Variants in GRID2 observed in about 807,000 individuals in gnomAD.
GRID2 encodes the protein glutamate ionotropic receptor delta type subunit 2.
A neutral mutation model predicts 114.8 loss-of-function variants in GRID2; 33 were observed. The observed-to-expected ratio is 0.29, with a 90% CI of 0.22 to 0.38. GRID2 has a LOEUF of 0.38. Among genes scored for constraint, GRID2 ranks in the 10% least tolerant of loss-of-function variants. The pLI is 1.00. For synonymous variants in GRID2, 505 were observed against 449.9 expected, an observed-to-expected ratio of 1.12 and a Z score of -1.55; for missense variants, 1,184 against 1,257.7, an observed-to-expected ratio of 0.94 and a Z score of 0.89.
chr4:93,758,775 T>C (rs745501613), intron 14 of GRID2, among the ~76,000 whole-genome samples: 70 of 152,322 alleles, frequency 4.6e-4, no homozygotes, highest in Non-Finnish European at 8.4e-4. Flanking sequence ...TGACACCTTT[T>C]CATAAACATG....
chr4:93,255,724 T>C, intron 8 of GRID2, among the ~76,000 whole-genome samples: 1 of 152,098 alleles, frequency 6.6e-6, no homozygotes, highest in East Asian at 1.9e-4. Flanking sequence ...ACTTCTGCCA[T>C]GTTGTGACAC....
At chr4:93,597,076 A>AT (rs1483729570) in intron 13 of GRID2, among the ~76,000 whole-genome samples, 1 of 152,206 alleles carries the variant, frequency 6.6e-6, no homozygotes, top group East Asian at 1.9e-4. Flanking sequence ...AAATAATCAC[A>AT]TTTTTAGAGC....
At chr4:93,140,819 T>C (rs1735705591) in intron 4 of GRID2, among the ~76,000 whole-genome samples, 2 of 152,228 alleles carry the variant, frequency 1.3e-5, no homozygotes, top group Non-Finnish European at 2.9e-5. Flanking sequence ...GTTCCCAGAA[T>C]ACATAAAACT....
At chr4:92,906,213 CA>C (rs1301762400) in intron 2 of GRID2, among the ~76,000 whole-genome samples, 2 of 149,036 alleles carry the variant, frequency 1.3e-5, no homozygotes, top group Non-Finnish European at 3.0e-5. Flanking sequence ...GATTATTTGA[CA>C]ATTTGGATTT....
intron 2 of GRID2, among the ~76,000 whole-genome samples, chr4:92,604,436 G>A (rs985398729): frequency 6.6e-6 from 1 of 152,068 alleles, no homozygotes; most frequent in Non-Finnish European, 1.5e-5. Context: ...ACTAACACAG[G>A]AACAGAGAAC....
intron 1 of GRID2, among the ~76,000 whole-genome samples, chr4:92,368,027 G>A (rs1728953602): frequency 6.6e-6 from 1 of 152,116 alleles, no homozygotes; most frequent in Non-Finnish European, 1.5e-5. Flanking sequence ...ATAGTAGCCT[G>A]GAATCAGCAA....
At chr4:92,405,599 ATTTT>A (rs1266117360) in intron 1 of GRID2, among the ~76,000 whole-genome samples, 1 of 151,972 alleles carries the variant, frequency 6.6e-6, no homozygotes, top group Non-Finnish European at 1.5e-5. Flanking sequence ...ACAATAATTC[ATTTT>A]TATATATGTA....
intron 1 of GRID2, among the ~76,000 whole-genome samples, chr4:92,362,468 C>T (rs1246345843): frequency 6.6e-6 from 1 of 151,914 alleles, no homozygotes; most frequent in African/African-American, 2.4e-5. Flanking sequence ...TGCAGAATGT[C>T]TGTAGCATGT....
rs114890263 is a variant in GRID2 at position 92,945,971 on chromosome 4, C to G, written c.245-139024C>G. On this transcript the variant is annotated intron_variant, in intron 2 of 15. Transcript: ENST00000282020. ...TAGCGCATGCCTTTTTACATGCCTT[C>G]CAGAAATATGTTGGAATCTCTAGTC... Among the ~76,000 whole-genome samples the G allele has an allele frequency of 7.9e-3, 1,209 of 152,148 alleles. 25 individuals carry two copies. Among genetic ancestry groups the G allele is most frequent in the African/African-American group, 0.028 (1,161 of 41,540 alleles).
intron 10 of GRID2, among the ~76,000 whole-genome samples, chr4:93,435,656 A>G (rs116378314): frequency 0.012 from 1,761 of 152,318 alleles, 30 homozygotes; most frequent in African/African-American, 0.041. Flanking sequence ...TGAAATAGAT[A>G]GTTAATATGC....
At position 93,600,247 on chromosome 4, in the gene GRID2, A is replaced by G. The variant is rs565988207; in HGVS notation, c.2194-26022A>G. Among the ~76,000 whole-genome samples the G allele has an allele frequency of 1.4e-4, 21 of 152,276 alleles. No individual in the cohort carries two copies. In the East Asian group the frequency reaches 2.9e-3, roughly 21 times the overall value. Reference sequence around the variant, plus strand: ...ATTTTACAAAAACAAAAAAAATTCTACTTATCAAATATTCTATTAAGAAAA... The same window carrying G: ...ATTTTACAAAAACAAAAAAAATTCTGCTTATCAAATATTCTATTAAGAAAA... On this transcript the variant is annotated intron_variant, in intron 13 of 15. Transcript: ENST00000282020.
At chr4:93,575,222 G>A (rs892394317) in intron 13 of GRID2, among the ~76,000 whole-genome samples, 1 of 152,076 alleles carries the variant, frequency 6.6e-6, no homozygotes, top group Non-Finnish European at 1.5e-5. Flanking sequence ...TTCATTTGGG[G>A]CCACCAATGT....
chr4:93,489,091 G>A lies in GRID2; in HGVS notation c.1859-1548G>A, dbSNP rs185939575. Among the ~76,000 whole-genome samples the A allele has an allele frequency of 9.2e-5, 14 of 151,868 alleles. No individual in the cohort carries two copies. In the South Asian group the frequency reaches 1.2e-3, roughly 14 times the overall value. On this transcript the variant is annotated intron_variant, in intron 11 of 15. Coordinates refer to ENST00000282020, the MANE Select transcript of GRID2 (RefSeq NM_001510.4). ...TCCTATATCAAAAATTATAAAGGAC[G>A]GAAATAAACAAAAATGTTTAAAGCC...
intron 2 of GRID2, among the ~76,000 whole-genome samples, chr4:92,864,961 G>T (rs765772660): frequency 6.6e-6 from 1 of 151,992 alleles, no homozygotes; most frequent in Non-Finnish European, 1.5e-5. Context: ...AGATTTTTTT[G>T]TTCTTGCTGT....
intron 10 of GRID2, among the ~76,000 whole-genome samples, chr4:93,425,168 C>T (rs953766546): frequency 6.6e-6 from 1 of 152,050 alleles, no homozygotes; most frequent in African/African-American, 2.4e-5. Context: ...ATTGCATTTT[C>T]CTGGTTCCTC....
chr4:92,801,030 A>T (rs1197271217), intron 2 of GRID2, among the ~76,000 whole-genome samples: 1 of 152,032 alleles, frequency 6.6e-6, no homozygotes. Context: ...TATGCAATGC[A>T]TATATAATGT....
chr4:92,599,778 G>A (rs1023328017), intron 2 of GRID2, among the ~76,000 whole-genome samples: 2 of 151,764 alleles, frequency 1.3e-5, no homozygotes. Flanking sequence ...TGTAATCCCA[G>A]CACTTTGGGA....
chr4:93,468,675 G>A (rs1466033521), intron 11 of GRID2, among the ~76,000 whole-genome samples: 1 of 152,052 alleles, frequency 6.6e-6, no homozygotes, highest in Non-Finnish European at 1.5e-5. Flanking sequence ...GAGTTCAGAT[G>A]AGATTGACCT....
At chr4:92,801,845 T>C (rs1182670009) in intron 2 of GRID2, among the ~76,000 whole-genome samples, 4 of 151,862 alleles carry the variant, frequency 2.6e-5, no homozygotes, top group African/African-American at 9.7e-5. Flanking sequence ...CCTTATTTTA[T>C]AGATAAAGAA....
Sources: gnomAD v4.1 joint callset for allele counts (sites outside exome capture counted in the v4.1 genomes callset) on GRCh38, gnomAD v4.1.1 for gene constraint, MANE v1.5 for transcripts, NCBI Gene and HGNC (gene_info 2026-07-23, HGNC 2026-07-21) for gene names.